Variants in CABIN1 observed in about 807,000 individuals in gnomAD.
CABIN1 encodes calcineurin-binding protein cabin-1.
A neutral mutation model predicts 227.7 loss-of-function variants in CABIN1; 133 were observed. The observed-to-expected ratio is 0.58, with a 90% CI of 0.51 to 0.67. The LOEUF (loss-of-function observed/expected upper bound fraction) is 0.67. CABIN1 is among the 30% of genes least tolerant of loss of function. The pLI is 0.00. For missense variants in CABIN1, 2,408 were observed against 2,852.5 expected (o/e 0.84, Z 3.55); for synonymous variants, 1,086 against 1,155.1 (o/e 0.94, Z 1.21).
intron 26 of CABIN1, among the ~76,000 whole-genome samples, chr22:24,108,619 A>G (rs2042643304): frequency 1.3e-5 from 2 of 152,248 alleles, no homozygotes; most frequent in Admixed American, 1.3e-4. Context: ...GGCAGTGGAC[A>G]TGGCAAAGGC....
At chr22:24,061,627 T>C (rs540585843) in intron 12 of CABIN1, among the ~76,000 whole-genome samples, 1 of 152,180 alleles carries the variant, frequency 6.6e-6, no homozygotes, top group Admixed American at 6.5e-5. Context: ...CCCAGAACTT[T>C]TAAGGGTTGA....
intron 34 of CABIN1, 127 bp from the exon 35 acceptor site, chr22:24,175,984 A>G (rs2047081605): frequency 1.8e-6 from 2 of 1,114,476 alleles, no homozygotes; most frequent in Middle Eastern, 2.3e-4. Flanking sequence ...CCAGGACCCC[A>G]GCATTGGCCA....
In CABIN1 at chr22:24,098,128, A is replaced by G. The variant is rs777874815; in HGVS notation, c.4053A>G (p.Thr1351=). ...CAGGTCTGACATCCCCACCTTACAC[A>G]GCCACTCCGATTGACCACGATTACG... ...SGPGLTSPPY[T]ATPIDHDYVK... The change falls in exon 26 of 37, where the codon ACA becomes ACG. Residue 1351 remains threonine (T), a synonymous_variant. Transcript: ENST00000263119. The G allele has an allele frequency of 6.2e-7, 1 of 1,614,076 alleles. No individual in the cohort carries two copies. The highest frequency in any genetic ancestry group is 8.5e-7 in the Non-Finnish European group (1 of 1,180,018).
At position 24,177,375 on chromosome 22, in the gene CABIN1, AGCCT is replaced by A; in HGVS notation, c.6206-125_6206-122del. Reference sequence around the variant, plus strand: ...TATTTGCCCAGGGTAGAAGCCTTGGAGCCTGCCAGCCAGCACAAACTACACAGCA... The same window carrying A: ...TATTTGCCCAGGGTAGAAGCCTTGGAGCCAGCCAGCACAAACTACACAGCA... On this transcript the variant is annotated intron_variant, in intron 35 of 36. Coordinates refer to ENST00000263119, the MANE Select transcript of CABIN1 (RefSeq NM_012295.4). This position sits in a 1 kb window ranked among gnomAD's most constrained non-coding sequence, Gnocchi z 4.4. 1.2e-6 allele frequency: 1 copy of A among 824,752 alleles called. No homozygotes were observed. Among genetic ancestry groups the A allele is most frequent in the Non-Finnish European group, 1.9e-6 (1 of 533,096 alleles). 51.1% of individuals were successfully genotyped at this position (824,752 alleles called of 1,614,324 possible). A position where few individuals can be genotyped will look rare whatever the true frequency, so the allele number is the denominator to read the frequency against.
intron 21 of CABIN1, 105 bp downstream of exon 21, chr22:24,084,890 A>G (rs2041048628): frequency 2.6e-6 from 4 of 1,563,466 alleles, no homozygotes; most frequent in Non-Finnish European, 1.8e-6. Context: ...TCTGTACCAG[A>G]CTGAGGGGCA....
chr22:24,099,710 A>G (rs1323087256), intron 26 of CABIN1, among the ~76,000 whole-genome samples: 1 of 152,200 alleles, frequency 6.6e-6, no homozygotes, highest in Non-Finnish European at 1.5e-5. Context: ...CCTGGGAGGA[A>G]GCACTATGCC....
rs773997371 is a variant in CABIN1, at chr22:24,119,351, T to C, written c.4301-16T>C. 6.2e-7 allele frequency: 1 copy of C among 1,608,078 alleles called. No individual in the cohort carries two copies. The highest frequency in any genetic ancestry group is 1.7e-5 in the Admixed American group (1 of 60,038). On this transcript the variant is annotated splice_polypyrimidine_tract_variant and intron_variant, in intron 27 of 36. Transcript: ENST00000263119. ...TAAAACCAGGGTGACTTTCTTTCCCTTCTTCTCAACTGTAGGAAAAAACGA... is the reference window on the plus strand; with the variant it reads ...TAAAACCAGGGTGACTTTCTTTCCCCTCTTCTCAACTGTAGGAAAAAACGA...
At chr22:24,138,522 T>C (rs1356792331) in intron 29 of CABIN1, among the ~76,000 whole-genome samples, 3 of 152,228 alleles carry the variant, frequency 2.0e-5, no homozygotes, top group African/African-American at 7.2e-5. Context: ...GCCTCCGAAA[T>C]GTCTAACTGA....
intron 6 of CABIN1, among the ~76,000 whole-genome samples, chr22:24,048,227 T>A (rs1193156076): frequency 6.6e-6 from 1 of 152,086 alleles, no homozygotes; most frequent in Non-Finnish European, 1.5e-5. Context: ...ATTCAATAAG[T>A]TTTATGTGTA....
In CABIN1 at chr22:24,171,713, G is replaced by C. The variant is rs937061529; in HGVS notation, c.5758G>C (p.Ala1920Pro). 2.5e-6 allele frequency: 4 copies of C among 1,613,906 alleles called. No individual in the cohort carries two copies. The highest frequency in any genetic ancestry group is 1.3e-5 in the African/African-American group (1 of 74,930). The change falls in exon 34 of 37, where the codon GCC becomes CCC. Residue 1920 changes from alanine (A) to proline (P), a missense_variant and splice_region_variant. Physicochemically the swap from Ala to Pro is conservative, Grantham distance 27 (BLOSUM62 -1). This residue lies in a region of CABIN1 where 714 missense variants were observed against 773.8 expected (regional missense o/e 0.92). Transcript: ENST00000263119. ...VHLGAAAQRQ[A>P]SGDTPTTPKH... ...TCTCACCTCTTGTTTGTCCTCACAG[G>C]CCTCGGGGGACACCCCCACCACTCC...
At chr22:24,147,339 C>T (rs1369520331) in intron 29 of CABIN1, among the ~76,000 whole-genome samples, 1 of 130,482 alleles carries the variant, frequency 7.7e-6, no homozygotes, top group African/African-American at 2.8e-5. Flanking sequence ...TCTCCTCCCT[C>T]CCTCCCTGCC....
intron 26 of CABIN1, among the ~76,000 whole-genome samples, chr22:24,103,978 A>G (rs546392621): frequency 6.6e-6 from 1 of 152,160 alleles, no homozygotes; most frequent in African/African-American, 2.4e-5. Context: ...GTGAGTCTCT[A>G]GAGAGGCCTG....
At chr22:24,144,449 TAG>T (rs1199371508) in intron 29 of CABIN1, among the ~76,000 whole-genome samples, 6 of 152,248 alleles carry the variant, frequency 3.9e-5, no homozygotes, top group Non-Finnish European at 1.5e-5. Context: ...ACTAAGCCAT[TAG>T]AGAGGCCCAC....
At chr22:24,048,170 T>C (rs2038041588) in intron 6 of CABIN1, among the ~76,000 whole-genome samples, 1 of 151,606 alleles carries the variant, frequency 6.6e-6, no homozygotes, top group African/African-American at 2.4e-5. Flanking sequence ...AATAATAGGT[T>C]TTTTTTTTAA....
intron 28 of CABIN1, 87 bp downstream of exon 28, chr22:24,119,785 T>G: frequency 7.9e-7 from 1 of 1,264,466 alleles, no homozygotes; most frequent in Non-Finnish European, 1.2e-6. Context: ...TAAGACAGAT[T>G]GGAGCTTCAC....
Position 24,177,556 on chromosome 22 carries a change from G to A in CABIN1, c.6258G>A (p.Ala2086=), listed in dbSNP as rs760062976. The change falls in exon 36 of 37, where the codon GCG becomes GCA. Residue 2086 remains alanine, a synonymous_variant. Coordinates refer to ENST00000263119, the MANE Select transcript of CABIN1 (RefSeq NM_012295.4). The surrounding 1 kb of genome is among the most constrained non-coding windows in gnomAD (Gnocchi z 4.4). ...GGGATGGGGAGGCTCAGGAGGCTGC[G>A]AGTGAGACTCAGCCCCTGAGCTCTC... is the stretch of plus-strand genomic sequence containing the variant. ...PRRDGEAQEA[A]SETQPLSSPP... The A allele has an allele frequency of 3.8e-6, 6 of 1,582,960 alleles. No individual in the cohort carries two copies. Among genetic ancestry groups the A allele is most frequent in the South Asian group, 3.4e-5 (3 of 88,828 alleles).
At chr22:24,074,621 T>G (rs2040315187) in intron 18 of CABIN1, among the ~76,000 whole-genome samples, 1 of 152,084 alleles carries the variant, frequency 6.6e-6, no homozygotes, top group Non-Finnish European at 1.5e-5. Context: ...CACACTATGG[T>G]TGGGTGGTGA....
At chr22:24,073,877 A>G (rs2040258268) in intron 18 of CABIN1, among the ~76,000 whole-genome samples, 2 of 152,244 alleles carry the variant, frequency 1.3e-5, no homozygotes, top group Admixed American at 6.5e-5. Context: ...ATTTTGCTCC[A>G]TTGTTTTCAT....
At chr22:24,028,889 A>G (rs1434498062) in intron 1 of CABIN1, among the ~76,000 whole-genome samples, 4 of 152,204 alleles carry the variant, frequency 2.6e-5, no homozygotes, top group South Asian at 4.1e-4. Flanking sequence ...TTACAAGGCT[A>G]TTAAGAGGGA....
Sources: gnomAD v4.1 joint callset for allele counts (sites outside exome capture counted in the v4.1 genomes callset) on GRCh38, gnomAD v4.1.1 for gene constraint, gnomAD v4.1.1 regional missense constraint, Gnocchi (gnomAD v3.1) non-coding constraint, MANE v1.5 for transcripts, NCBI Gene and HGNC (gene_info 2026-07-23, HGNC 2026-07-21) for gene names.